The following NDFIP1 variants were observed in gnomAD, a reference collection of about 807,000 sequenced individuals.
NDFIP1 encodes the protein Nedd4 family interacting protein 1.
NDFIP1 carries 7 observed loss-of-function variants against 28.8 expected under a neutral mutation model. The ratio of observed to expected loss-of-function variants is 0.24; its 90% CI spans 0.14 to 0.46. NDFIP1 has a LOEUF of 0.46. Ranked by LOEUF, NDFIP1 falls within the 20% of genes least tolerant of loss-of-function variation. The pLI, the probability that NDFIP1 is intolerant of heterozygous loss-of-function variation, is 0.99. For missense variants in NDFIP1, 194 were observed against 269.1 expected (o/e 0.72, Z 1.95); for synonymous variants, 92 against 101.0 (o/e 0.91, Z 0.53).
At position 142,108,906 on chromosome 5, in the gene NDFIP1, A is replaced by G. The variant is rs753660959; in HGVS notation, c.-69A>G. The G allele has an allele frequency of 2.1e-4, 282 of 1,324,660 alleles. No individual in the cohort carries two copies. The Admixed American group carries it at 8.6e-3, about 41-fold the overall frequency. 82.1% of individuals were successfully genotyped at this position (1,324,660 alleles called of 1,614,324 possible). A position where few individuals can be genotyped will look rare whatever the true frequency, so the allele number is the denominator to read the frequency against. Reference sequence around the variant, plus strand: ...TCCCCCTCGGCCTCCCAGCGCTCCCAAGCCGCAGCGGCCGCGCCCCTTCAG... The same window carrying G: ...TCCCCCTCGGCCTCCCAGCGCTCCCGAGCCGCAGCGGCCGCGCCCCTTCAG... On this transcript the variant is annotated 5_prime_UTR_variant, in exon 1 of 8. Coordinates refer to ENST00000253814, the MANE Select transcript of NDFIP1 (RefSeq NM_030571.4).
chr5:142,138,004 G>A, intron 5 of NDFIP1, 146 bp downstream of exon 5: 1 of 990,964 alleles, frequency 1.0e-6, no homozygotes, highest in African/African-American at 1.6e-5. Context: ...TGATGAAGCT[G>A]AACCAAAATC....
intron 1 of NDFIP1, among the ~76,000 whole-genome samples, chr5:142,125,979 A>T (rs1385303495): frequency 6.6e-6 from 1 of 152,154 alleles, no homozygotes; most frequent in Non-Finnish European, 1.5e-5. Flanking sequence ...AGTCTCTCTT[A>T]TCTTGTCAGA....
At chr5:142,119,808 C>T (rs1473645195) in intron 1 of NDFIP1, among the ~76,000 whole-genome samples, 1 of 152,150 alleles carries the variant, frequency 6.6e-6, no homozygotes, top group African/African-American at 2.4e-5. Flanking sequence ...TTACCAAATT[C>T]ATCTTAGACT....
At chr5:142,126,548 C>T (rs932775563) in intron 1 of NDFIP1, among the ~76,000 whole-genome samples, 1 of 152,108 alleles carries the variant, frequency 6.6e-6, no homozygotes, top group Non-Finnish European at 1.5e-5. Context: ...TGTATGAATT[C>T]TGAGGTGTAT....
intron 1 of NDFIP1, among the ~76,000 whole-genome samples, chr5:142,109,750 G>C (rs910666217): frequency 1.3e-5 from 2 of 152,290 alleles, no homozygotes; most frequent in East Asian, 3.9e-4. Context: ...GAAATGATTG[G>C]ATCATTTTCT....
chr5:142,119,419 C>T (rs1351143352), intron 1 of NDFIP1, among the ~76,000 whole-genome samples: 1 of 152,188 alleles, frequency 6.6e-6, no homozygotes, highest in African/African-American at 2.4e-5. Flanking sequence ...CCAAATGTTA[C>T]TTAGGTCAGC....
rs921285038 is a variant in NDFIP1 at position 142,153,675 on chromosome 5, A to G, written c.*1947A>G. On this transcript the variant is annotated 3_prime_UTR_variant, in exon 8 of 8. Transcript: ENST00000253814. ...AGTTTGGAAGTTTGTATGGCCTATA[A>G]TGTTCTAAGTTCCAGAATGAAAAGA... The G allele has an allele frequency of 7.2e-5, 20 of 276,644 alleles. No homozygotes were observed. Among genetic ancestry groups the G allele is most frequent in the Middle Eastern group, 1.3e-3 (1 of 774 alleles). The allele number at this position is 276,644 out of a possible 1,614,324, so 17.1% of individuals were successfully genotyped here.
At chr5:142,147,828 C>A (rs1383002114) in intron 7 of NDFIP1, among the ~76,000 whole-genome samples, 1 of 152,208 alleles carries the variant, frequency 6.6e-6, no homozygotes, top group Non-Finnish European at 1.5e-5. Flanking sequence ...AGTGACTACT[C>A]TGCTAAATTG....
Position 142,153,449 on chromosome 5 carries a change from T to A in NDFIP1, c.*1721T>A. 1 of 456,120 alleles carries A rather than the reference T, an allele frequency of 2.2e-6. No homozygotes were observed. Among genetic ancestry groups the A allele is most frequent in the South Asian group, 1.6e-5 (1 of 64,328 alleles). The allele number at this position is 456,120 out of a possible 1,614,324, so 28.3% of individuals were successfully genotyped here. On this transcript the variant is annotated 3_prime_UTR_variant, in exon 8 of 8. Coordinates refer to ENST00000253814, the MANE Select transcript of NDFIP1 (RefSeq NM_030571.4). ...ATATAATGCACAGAAGTGTGGGTTGTTTGAAAGCCAAACAGGAAAATTAGG... is the reference window on the plus strand; with the variant it reads ...ATATAATGCACAGAAGTGTGGGTTGATTGAAAGCCAAACAGGAAAATTAGG...
At chr5:142,110,856 T>G (rs546226019) in intron 1 of NDFIP1, among the ~76,000 whole-genome samples, 660 of 18,202 alleles carry the variant, frequency 0.036, 4 homozygotes, top group African/African-American at 0.18. Flanking sequence ...TTTACATCCA[T>G]TTTTTTTTTC....
At position 142,111,071 on chromosome 5, in the gene NDFIP1, T is replaced by C. The variant is rs370695650; in HGVS notation, c.63+2034T>C. Among the ~76,000 whole-genome samples the C allele has an allele frequency of 2.6e-5, 4 of 152,188 alleles. No homozygotes were observed. In the South Asian group the frequency reaches 8.3e-4, roughly 32 times the overall value. ...TATATACACATGCATATGTATTCTCTTATGTACCCATATATACGTATACAG... is the reference window on the plus strand; with the variant it reads ...TATATACACATGCATATGTATTCTCCTATGTACCCATATATACGTATACAG... On this transcript the variant is annotated intron_variant, in intron 1 of 7. Coordinates refer to ENST00000253814, the MANE Select transcript of NDFIP1 (RefSeq NM_030571.4).
chr5:142,150,981 A>G (rs1757441971), intron 7 of NDFIP1, among the ~76,000 whole-genome samples: 1 of 152,162 alleles, frequency 6.6e-6, no homozygotes, highest in Admixed American at 6.5e-5. Flanking sequence ...AGTTTTTCCC[A>G]AGTTATTTTC....
At position 142,150,180 on chromosome 5, in the gene NDFIP1, CAA is replaced by C. The variant is rs761699097; in HGVS notation, c.*3-1532_*3-1531del. On this transcript the variant is annotated intron_variant, in intron 7 of 7. Transcript: ENST00000253814. ...TGGGTGATAGAGCGGGACTCCGTCT[CAA>C]AAAAAAAAAAAAAAAAAATATATAG... Among the ~76,000 whole-genome samples, 453 of 79,344 alleles carry C rather than the reference CAA, an allele frequency of 5.7e-3. 2 individuals are homozygous for C. Among genetic ancestry groups the C allele is most frequent in the Non-Finnish European group, 8.3e-3 (341 of 41,026 alleles). The allele number at this position is 79,344 out of a possible 152,430, so 52.1% of individuals were successfully genotyped here.
Position 142,137,738 on chromosome 5 carries a change from A to T in NDFIP1, c.375A>T (p.Ala125=). The change falls in exon 5 of 8, where the codon GCA becomes GCT. Residue 125 remains alanine, a synonymous_variant. Coordinates refer to ENST00000253814, the MANE Select transcript of NDFIP1 (RefSeq NM_030571.4). ...TCCCCTCCTCTGCTTTTGCAGTGGC[A>T]TTCCTCTTTAACTGGATTGGGTTTT... ...DGIFMLTFFM[A]FLFNWIGFFL... is the part of the protein sequence containing the mutation. The T allele has an allele frequency of 6.2e-7, 1 of 1,614,038 alleles. No homozygotes were observed. Among genetic ancestry groups the T allele is most frequent in the Non-Finnish European group, 8.5e-7 (1 of 1,179,968 alleles).
chr5:142,110,606 T>TA (rs565998456), intron 1 of NDFIP1, among the ~76,000 whole-genome samples: 2 of 151,220 alleles, frequency 1.3e-5, no homozygotes, highest in South Asian at 2.1e-4. Flanking sequence ...AATTGAAGTA[T>TA]AAAAAAAAGA....
intron 1 of NDFIP1, among the ~76,000 whole-genome samples, chr5:142,129,742 C>A (rs895678422): frequency 2.6e-5 from 4 of 151,570 alleles, no homozygotes. Context: ...GCCTGGCCCA[C>A]GTCTACTAAA....
At chr5:142,133,720 G>A (rs998158107) in intron 3 of NDFIP1, among the ~76,000 whole-genome samples, 2 of 152,158 alleles carry the variant, frequency 1.3e-5, no homozygotes, top group African/African-American at 4.8e-5. Flanking sequence ...CAGCAGACAT[G>A]TATAAAGCAC....
chr5:142,147,307 A>G (rs1006586153), intron 7 of NDFIP1, among the ~76,000 whole-genome samples: 3 of 152,226 alleles, frequency 2.0e-5, no homozygotes, highest in Non-Finnish European at 4.4e-5. Context: ...TGAAAGGGTA[A>G]GAACTCTGTC....
At chr5:142,111,819 C>T (rs1346861241) in intron 1 of NDFIP1, among the ~76,000 whole-genome samples, 1 of 152,180 alleles carries the variant, frequency 6.6e-6, no homozygotes, top group Non-Finnish European at 1.5e-5. Flanking sequence ...GTAATCACAG[C>T]ACTTTGGGAG....
Sources: allele counts gnomAD v4.1 joint callset (sites outside exome capture counted in the v4.1 genomes callset), GRCh38; gene constraint gnomAD v4.1.1; transcripts MANE v1.5; gene names NCBI Gene and HGNC (gene_info 2026-07-23, HGNC 2026-07-21).